The following KDM6A variants were observed in gnomAD, a reference collection of about 807,000 sequenced individuals.
KDM6A encodes the protein lysine-specific demethylase 6A.
In KDM6A, 11 loss-of-function variants were observed where a neutral mutation model predicts 117.6. The ratio of observed to expected loss-of-function variants is 0.09; its 90% CI spans 0.06 to 0.15. KDM6A has a LOEUF of 0.15. Among genes scored for constraint, KDM6A ranks in the 10% least tolerant of loss-of-function variants. The pLI is 1.00. For missense variants in KDM6A, 799 were observed against 1,077.3 expected, an observed-to-expected ratio of 0.74 and a Z score of 3.62; for synonymous variants, 384 against 396.1, an observed-to-expected ratio of 0.97 and a Z score of 0.36.
intron 18 of KDM6A, among the ~76,000 whole-genome samples, chrX:45,071,393 A>G (rs1017196574): frequency 8.9e-6 from 1 of 112,074 alleles, no homozygotes; most frequent in Non-Finnish European, 1.9e-5. Context: ...ATAGCCATAT[A>G]AACCTCTTCC....
chrX:45,057,195 G>A (rs1431211754), intron 10 of KDM6A, among the ~76,000 whole-genome samples: 3 of 111,136 alleles, frequency 2.7e-5, no homozygotes, highest in Non-Finnish European at 5.7e-5. Context: ...TAAACACCAG[G>A]ACAACATCTC....
At chrX:44,902,825 C>T (rs1488820390) in intron 2 of KDM6A, among the ~76,000 whole-genome samples, 1 of 112,211 alleles carries the variant, frequency 8.9e-6, no homozygotes, top group Non-Finnish European at 1.9e-5. Flanking sequence ...GATCAAGGCA[C>T]TCCCAGATTT....
rs1491300414 is a variant in KDM6A, at chrX:45,058,087, C to CCT, written c.876-919_876-918insCT. 3.4e-3 allele frequency among the ~76,000 whole-genome samples: 170 copies of CCT among 50,101 alleles called. 2 individuals carry two copies. Among genetic ancestry groups the CCT allele is most frequent in the African/African-American group, 8.2e-3 (106 of 12,952 alleles). 43.5% of individuals were successfully genotyped at this position (50,101 alleles called of 115,157 possible). A position where few individuals can be genotyped will look rare whatever the true frequency, so the allele number is the denominator to read the frequency against. Reference sequence around the variant, plus strand: ...CTTACTCTTACTCTCCCCCCCCCCCCTTTTTTTTTTTGCCTTTCCTAAATC... The same window carrying CCT: ...CTTACTCTTACTCTCCCCCCCCCCCCCTTTTTTTTTTTTGCCTTTCCTAAATC... On this transcript the variant is annotated intron_variant, in intron 10 of 29. Transcript: ENST00000611820.
intron 27 of KDM6A, 105 bp from the exon 28 acceptor site, chrX:45,107,305 C>A (rs2148285997): frequency 1.3e-6 from 1 of 783,991 alleles, no homozygotes; most frequent in Non-Finnish European, 1.9e-6. Context: ...AAGTCATAGA[C>A]ATTAGAATCA....
chrX:45,039,084 T>C (rs1422104720), intron 8 of KDM6A, among the ~76,000 whole-genome samples: 1 of 111,185 alleles, frequency 9.0e-6, no homozygotes, highest in African/African-American at 3.3e-5. Context: ...ATGCTGGTGG[T>C]TCCCAAACCC....
At chrX:45,041,186 T>A (rs1177089773) in intron 8 of KDM6A, among the ~76,000 whole-genome samples, 14 of 22,997 alleles carry the variant, frequency 6.1e-4, no homozygotes, top group South Asian at 5.6e-3. Flanking sequence ...GACCCCCCCC[T>A]CCCCCCTCCC....
At position 45,059,410 on chromosome X, in the gene KDM6A, A is replaced by G. The variant is rs757421854; in HGVS notation, c.1138A>G (p.Arg380Gly). 8.3e-7 allele frequency: 1 copy of G among 1,211,159 alleles called. No homozygotes were observed. The highest frequency in any genetic ancestry group is 3.0e-5 in the East Asian group (1 of 33,842). Residue 380 changes from arginine to glycine, a missense_variant, in exon 12 of 30, where the codon AGA becomes GGA. Transcript: ENST00000611820. Reference protein sequence around the residue: ...DAIKCYLNATRSKSCSNTSAL... With the variant: ...DAIKCYLNATGSKSCSNTSAL... ...CATTAAATGCTACTTAAATGCAACT[A>G]GAAGCAAAAGTTGTAGTAATACCTC...
intron 2 of KDM6A, among the ~76,000 whole-genome samples, chrX:44,896,714 T>G (rs1038590175): frequency 9.2e-6 from 1 of 109,179 alleles, no homozygotes; most frequent in African/African-American, 3.3e-5. Context: ...GAGACTGTCT[T>G]ATTTGCCTTC....
At chrX:44,986,804 A>C (rs1461168451) in intron 4 of KDM6A, among the ~76,000 whole-genome samples, 1 of 111,685 alleles carries the variant, frequency 9.0e-6, no homozygotes, top group Non-Finnish European at 1.9e-5. Context: ...GTTCTTTTAC[A>C]TTTGCTGAGG....
intron 2 of KDM6A, among the ~76,000 whole-genome samples, chrX:44,917,129 G>A (rs1348451969): frequency 1.8e-5 from 2 of 108,472 alleles, no homozygotes; most frequent in Non-Finnish European, 3.8e-5. Flanking sequence ...AGGTTCAAGC[G>A]ATTCTCCTGC....
At chrX:44,990,330 G>A (rs769427224) in intron 4 of KDM6A, among the ~76,000 whole-genome samples, 1 of 111,065 alleles carries the variant, frequency 9.0e-6, no homozygotes, top group East Asian at 2.8e-4. Flanking sequence ...CCTGAAGTCA[G>A]GAGTTCAAGA....
intron 2 of KDM6A, among the ~76,000 whole-genome samples, chrX:44,930,150 AT>A (rs969027594): frequency 8.2e-5 from 9 of 109,928 alleles, no homozygotes; most frequent in African/African-American, 1.0e-4. Context: ...TATAAAAATT[AT>A]TTTTTTTCCT....
intron 4 of KDM6A, among the ~76,000 whole-genome samples, chrX:44,975,362 T>C (rs2147266967): frequency 9.0e-6 from 1 of 110,909 alleles, no homozygotes; most frequent in East Asian, 2.8e-4. Flanking sequence ...TATTTTTCTA[T>C]TGGTTAATTT....
intron 6 of KDM6A, among the ~76,000 whole-genome samples, chrX:45,026,312 A>T (rs1369860504): frequency 1.8e-5 from 2 of 111,586 alleles, no homozygotes; most frequent in African/African-American, 3.3e-5. Context: ...TTCTTTAGGA[A>T]CTACTTCATT....
chrX:44,909,746 A>C (rs1366405117), intron 2 of KDM6A, among the ~76,000 whole-genome samples: 1 of 112,235 alleles, frequency 8.9e-6, no homozygotes, highest in Non-Finnish European at 1.9e-5. Flanking sequence ...AGTCTAATAA[A>C]GATGGCTGCT....
intron 13 of KDM6A, among the ~76,000 whole-genome samples, 199 bp downstream of exon 13, chrX:45,060,355 T>C (rs2044242742): frequency 8.9e-6 from 1 of 112,420 alleles, no homozygotes; most frequent in South Asian, 3.7e-4. Context: ...TTAGAACCTT[T>C]GTGCATTTTC....
chrX:44,873,781 C>A (rs1472601984), intron 1 of KDM6A, 69 bp downstream of exon 1: 2 of 1,145,679 alleles, frequency 1.7e-6, no homozygotes, highest in African/African-American at 3.6e-5. Flanking sequence ...GAGGACCGAG[C>A]GCGGCTTGTC....
intron 4 of KDM6A, among the ~76,000 whole-genome samples, chrX:45,002,862 C>T (rs2041214498): frequency 6.4e-5 from 2 of 31,225 alleles, no homozygotes; most frequent in Admixed American, 1.1e-3. Flanking sequence ...CCCCTCCCCG[C>T]CCCCCCCCCC....
rs188149946 is a variant in KDM6A at position 44,931,178 on chromosome X, C to G, written c.226-30106C>G. On this transcript the variant is annotated intron_variant, in intron 2 of 29. Coordinates refer to ENST00000611820, the MANE Select transcript of KDM6A (RefSeq NM_001291415.2). ...CTCCCGGGTTGAAGAGATTCTCCTG[C>G]CTCAGCCTCCTGAGTAGGTGGGACT... Among the ~76,000 whole-genome samples the G allele has an allele frequency of 3.3e-3, 371 of 111,285 alleles. 2 individuals are homozygous for G. The highest frequency in any genetic ancestry group is 4.7e-3 in the Middle Eastern group (1 of 215).
Sources: allele counts gnomAD v4.1 joint callset (sites outside exome capture counted in the v4.1 genomes callset), GRCh38; gene constraint gnomAD v4.1.1; transcripts MANE v1.5; gene names NCBI Gene and HGNC (gene_info 2026-07-23, HGNC 2026-07-21).